NRAP: variants seen among roughly 807,000 people sequenced by gnomAD.
NRAP encodes the protein nebulin related anchoring protein.
NRAP carries 189 observed loss-of-function variants against 225.9 expected under a neutral mutation model. The ratio of observed to expected loss-of-function variants is 0.84; its 90% CI spans 0.74 to 0.94. The LOEUF is 0.94. NRAP is among the 40% of genes least tolerant of loss of function. The pLI, the probability that NRAP is intolerant of heterozygous loss-of-function variation, is 0.00. For missense variants in NRAP, 2,176 were observed against 2,168.7 expected (o/e 1.00, Z -0.07); for synonymous variants, 769 against 790.7 (o/e 0.97, Z 0.46).
chr10:113,623,567 A>G lies in NRAP; in HGVS notation c.2419T>C (p.Phe807Leu), dbSNP rs139071041. 3.1e-6 allele frequency: 5 copies of G among 1,613,758 alleles called. No homozygotes were observed. The African/African-American group carries it at 4.0e-5, about 13-fold the overall frequency. Residue 807 changes from phenylalanine to leucine, a missense_variant, in exon 23 of 42, where the codon TTC (phenylalanine) becomes CTC (leucine). Physicochemically the swap from Phe to Leu is conservative, Grantham distance 22. Coordinates refer to ENST00000359988, the MANE Select transcript of NRAP (RefSeq NM_198060.4). ...GFELRLDSLT[F>L]LAAKAKRDLA... ...TCCCTCTTGGCTTTGGCTGCCAGGAAGGTCAAGGAATCAAGACGCAGCTCA... is the reference window on the plus strand; with the variant it reads ...TCCCTCTTGGCTTTGGCTGCCAGGAGGGTCAAGGAATCAAGACGCAGCTCA...
intron 12 of NRAP, 78 bp downstream of exon 12, chr10:113,642,856 T>C: frequency 1.3e-6 from 1 of 796,728 alleles, no homozygotes; most frequent in Admixed American, 1.8e-5. Flanking sequence ...TCCATTCCCA[T>C]AGACTGTCCC....
At chr10:113,657,424 A>G (rs1850375860) in intron 4 of NRAP, 46 bp downstream of exon 4, 3 of 935,792 alleles carry the variant, frequency 3.2e-6, no homozygotes, top group Admixed American at 1.7e-5. Flanking sequence ...TTGACATAGT[A>G]TGTCATTCTT....
Position 113,614,284 on chromosome 10 carries a change from C to T in NRAP, c.3199G>A (p.Glu1067Lys), listed in dbSNP as rs572210554. 2.9e-5 allele frequency: 46 copies of T among 1,610,612 alleles called. No homozygotes were observed. In the East Asian group the frequency reaches 9.8e-4, roughly 34 times the overall value. ...TGTCCTTTCATTTTCTCAAATGCCTCTTTGTATTTGTACTAAAGGGAAAGA... is the reference window on the plus strand; with the variant it reads ...TGTCCTTTCATTTTCTCAAATGCCTTTTTGTATTTGTACTAAAGGGAAAGA... ...GEIISDYKYK[E>K]AFEKMKGQML... The change falls in exon 29 of 42, where the codon GAG becomes AAG. Residue 1067 changes from glutamate to lysine, a missense_variant. By Grantham distance (56) the Glu-to-Lys change is moderately conservative. This residue lies in a region of NRAP where 1,708 missense variants were observed against 1,695.5 expected (regional missense o/e 1.01). Coordinates refer to ENST00000359988, the MANE Select transcript of NRAP (RefSeq NM_198060.4).
intron 18 of NRAP, 51 bp downstream of exon 18, chr10:113,631,458 T>C (rs1204975635): frequency 5.8e-6 from 7 of 1,217,158 alleles, no homozygotes; most frequent in African/African-American, 1.5e-5. Context: ...GGGAAAACTT[T>C]TAAAATAACA....
At chr10:113,601,504 T>C (rs1846601029) in intron 35 of NRAP, among the ~76,000 whole-genome samples, 1 of 152,246 alleles carries the variant, frequency 6.6e-6, no homozygotes, top group African/African-American at 2.4e-5. Flanking sequence ...ATTAACCAAT[T>C]TGCAGCTTAA....
intron 38 of NRAP, among the ~76,000 whole-genome samples, chr10:113,594,975 T>A (rs1474310651): frequency 2.0e-5 from 3 of 152,260 alleles, no homozygotes; most frequent in African/African-American, 4.8e-5. Flanking sequence ...TCTCTCTACC[T>A]GTTATCCAAG....
intron 35 of NRAP, among the ~76,000 whole-genome samples, chr10:113,604,124 G>T (rs1403995889): frequency 3.3e-5 from 5 of 151,424 alleles, no homozygotes; most frequent in Non-Finnish European, 5.9e-5. Context: ...AATAAAGACT[G>T]TTTTTTTTCT....
At position 113,625,014 on chromosome 10, in the gene NRAP, T is replaced by C. The variant is rs566465494; in HGVS notation, c.2245-84A>G. 37 of 801,244 alleles carry C rather than the reference T, an allele frequency of 4.6e-5. No homozygotes were observed. In the East Asian group the frequency reaches 9.0e-4, roughly 20 times the overall value. 49.6% of individuals were successfully genotyped at this position (801,244 alleles called of 1,614,324 possible). On this transcript the variant is annotated intron_variant, in intron 21 of 41. Coordinates refer to ENST00000359988, the MANE Select transcript of NRAP (RefSeq NM_198060.4). ...CATCCCTCATGGTGTCTCTGTCTGG[T>C]TGGCACTTCTCTGACTTGCACAGAA... is the stretch of plus-strand genomic sequence containing the variant.
At chr10:113,635,081 C>T (rs1233729675) in intron 14 of NRAP, among the ~76,000 whole-genome samples, 1 of 152,202 alleles carries the variant, frequency 6.6e-6, no homozygotes, top group African/African-American at 2.4e-5. Flanking sequence ...GCCTGGTTCC[C>T]ACCTCAAGAC....
chr10:113,602,578 G>A (rs959753022), intron 35 of NRAP, among the ~76,000 whole-genome samples: 1 of 152,184 alleles, frequency 6.6e-6, no homozygotes, highest in Non-Finnish European at 1.5e-5. Flanking sequence ...TGATATTGCA[G>A]TTCCAGCAAA....
At chr10:113,625,008 G>A (rs1848208752) in intron 21 of NRAP, 78 bp from the exon 22 acceptor site, 2 of 843,916 alleles carry the variant, frequency 2.4e-6, no homozygotes, top group Non-Finnish European at 2.0e-6. Context: ...TGGTGTCTCT[G>A]TCTGGTTGGC....
intron 22 of NRAP, 55 bp from the exon 23 acceptor site, chr10:113,623,691 G>T: frequency 9.1e-7 from 1 of 1,099,988 alleles, no homozygotes; most frequent in Non-Finnish European, 1.4e-6. Flanking sequence ...GGGTTCTCAC[G>T]TGAGAGCATT....
rs1355153791 is a variant in NRAP, at chr10:113,646,798, A to C, written c.993+125T>G. ...GCATCATAAATTTGGATGGGAGTTG[A>C]GGGCTAACATTCTACTTTGGCTCAG... On this transcript the variant is annotated intron_variant, in intron 10 of 41. Transcript: ENST00000359988. 4.2e-6 allele frequency: 3 copies of C among 719,748 alleles called. No homozygotes were observed. The East Asian group carries it at 7.6e-5, about 18-fold the overall frequency. The allele number at this position is 719,748 out of a possible 1,614,324, so 44.6% of individuals were successfully genotyped here.
At position 113,589,010 on chromosome 10, in the gene NRAP, G is replaced by T; in HGVS notation, c.5158C>A (p.Leu1720Met). The T allele has an allele frequency of 6.2e-7, 1 of 1,613,986 alleles. No individual in the cohort carries two copies. Among genetic ancestry groups the T allele is most frequent in the South Asian group, 1.1e-5 (1 of 91,074 alleles). ...GEVNPDATEILHVKKKKALLL is the reference protein window; with the variant it reads ...GEVNPDATEIMHVKKKKALLL ...AGGGCCTTCTTCTTTTTGACGTGCA[G>T]AATCTCAGTGGCATCTGGGTTCACC... Residue 1720 changes from leucine to methionine, a missense_variant, in exon 42 of 42, where the codon CTG becomes ATG. By Grantham distance (15) the Leu-to-Met change is conservative. This residue lies in a region of NRAP where 445 missense variants were observed against 426.1 expected (regional missense o/e 1.04). Transcript: ENST00000359988.
At chr10:113,644,983 A>G (rs961737482) in intron 11 of NRAP, among the ~76,000 whole-genome samples, 7 of 152,182 alleles carry the variant, frequency 4.6e-5, no homozygotes, top group Non-Finnish European at 7.3e-5. Context: ...GAGGTTCTAC[A>G]GGGGATATTT....
intron 40 of NRAP, among the ~76,000 whole-genome samples, chr10:113,590,141 A>C (rs977237906): frequency 1.3e-5 from 2 of 152,218 alleles, no homozygotes; most frequent in African/African-American, 2.4e-5. Flanking sequence ...TCCCAGAGAA[A>C]GTGCAAAGGC....
At chr10:113,589,500 CT>C in intron 41 of NRAP, 165 bp downstream of exon 41, 1 of 742,850 alleles carries the variant, frequency 1.3e-6, no homozygotes. Context: ...TGTCATCTGC[CT>C]GGTCATCTCA....
chr10:113,626,227 A>C, intron 20 of NRAP, 82 bp from the exon 21 acceptor site: 1 of 835,630 alleles, frequency 1.2e-6, no homozygotes, highest in Non-Finnish European at 1.9e-6. Flanking sequence ...ACACACACAC[A>C]CATTCTTTCT....
chr10:113,615,125 C>G (rs1847572546), intron 27 of NRAP, among the ~76,000 whole-genome samples, 179 bp from the exon 28 acceptor site: 1 of 151,988 alleles, frequency 6.6e-6, no homozygotes, highest in East Asian at 1.9e-4. Flanking sequence ...CTCGTGCCCA[C>G]CTCTTTGGAG....
Sources: allele counts gnomAD v4.1 joint callset (sites outside exome capture counted in the v4.1 genomes callset), GRCh38; gene constraint gnomAD v4.1.1; regional missense constraint gnomAD v4.1.1; transcripts MANE v1.5; gene names NCBI Gene and HGNC (gene_info 2026-07-23, HGNC 2026-07-21).